The following CYRIA variants were observed in gnomAD, a reference collection of about 807,000 sequenced individuals.
CYRIA encodes the protein CYFIP related Rac1 interactor A.
A neutral mutation model predicts 43.9 loss-of-function variants in CYRIA; 15 were observed. The ratio of observed to expected loss-of-function variants is 0.34; its 90% confidence interval spans 0.23 to 0.53. CYRIA has a LOEUF of 0.53. Among genes scored for constraint, CYRIA ranks in the 20% least tolerant of loss-of-function variants. The pLI is 0.94. For missense variants in CYRIA, 236 were observed against 394.2 expected (o/e 0.60, Z 3.40); for synonymous variants, 117 against 136.0 (o/e 0.86, Z 0.97).
chr2:16,646,037 C>T (rs1163838993), intron 1 of CYRIA, among the ~76,000 whole-genome samples: 2 of 152,174 alleles, frequency 1.3e-5, no homozygotes, highest in East Asian at 3.8e-4. Context: ...ATCAGACAGG[C>T]AATGCAGTAT....
chr2:16,587,714 C>T (rs1667783440), intron 3 of CYRIA, among the ~76,000 whole-genome samples: 1 of 152,002 alleles, frequency 6.6e-6, no homozygotes, highest in Middle Eastern at 3.2e-3. Flanking sequence ...ATACTGTTCT[C>T]ATGACAGTGA....
rs572545727 is a variant in CYRIA at position 16,551,137 on chromosome 2, C to T, written c.*1799G>A. On this transcript the variant is annotated 3_prime_UTR_variant, in exon 12 of 12. Coordinates refer to ENST00000381323, the MANE Select transcript of CYRIA (RefSeq NM_030797.4). Reference sequence around the variant, plus strand: ...CTGTTGACTAATGTTTAGATGCAGACCAGGGAATCTTTCCTGTCACTTGGC... The same window carrying T: ...CTGTTGACTAATGTTTAGATGCAGATCAGGGAATCTTTCCTGTCACTTGGC... The T allele has an allele frequency of 6.6e-6, 1 of 152,210 alleles. No homozygotes were observed. The highest frequency in any genetic ancestry group is 2.1e-4 in the South Asian group (1 of 4,818). The allele number at this position is 152,210 out of a possible 1,614,324, so 9.4% of individuals were successfully genotyped here.
Position 16,555,213 on chromosome 2 carries a change from T to C in CYRIA, c.838-74A>G, listed in dbSNP as rs1666463559. On this transcript the variant is annotated intron_variant, in intron 10 of 11. Coordinates refer to ENST00000381323, the MANE Select transcript of CYRIA (RefSeq NM_030797.4). ...ATGCCAATATCTACCCATAATAACA[T>C]GTGCCCATAATGTCACATTATATCT... 2.3e-6 allele frequency: 3 copies of C among 1,332,250 alleles called. No individual in the cohort carries two copies. In the Admixed American group the frequency reaches 5.4e-5, roughly 24 times the overall value. 82.5% of individuals were successfully genotyped at this position (1,332,250 alleles called of 1,614,324 possible). A position where few individuals can be genotyped will look rare whatever the true frequency, so the allele number is the denominator to read the frequency against.
chr2:16,607,321 T>TGGGGGGGGGGGGGGGGGGGGG (rs1483489399), intron 2 of CYRIA, among the ~76,000 whole-genome samples: 2 of 36,022 alleles, frequency 5.6e-5, no homozygotes, highest in Admixed American at 2.9e-4. Flanking sequence ...GAGGGGCGGG[T>TGGGGGGGGGGGGGGGGGGGGG]GGGGGGTGCT....
chr2:16,581,435 G>A (rs1306453144), intron 3 of CYRIA, among the ~76,000 whole-genome samples: 1 of 152,126 alleles, frequency 6.6e-6, no homozygotes, highest in Non-Finnish European at 1.5e-5. Flanking sequence ...ACAGGAAAAT[G>A]ACTGACAATA....
intron 2 of CYRIA, among the ~76,000 whole-genome samples, chr2:16,609,298 C>A (rs564348194): frequency 6.6e-6 from 1 of 152,290 alleles, no homozygotes; most frequent in East Asian, 1.9e-4. Context: ...GGGCCCCAGG[C>A]TCTTCTCTCC....
intron 3 of CYRIA, among the ~76,000 whole-genome samples, chr2:16,567,248 A>G (rs1666967717): frequency 6.6e-6 from 1 of 152,110 alleles, no homozygotes; most frequent in African/African-American, 2.4e-5. Flanking sequence ...TACTAAAAAT[A>G]CAAAAATTAG....
chr2:16,635,680 T>C (rs908166710), intron 1 of CYRIA, among the ~76,000 whole-genome samples: 3 of 152,148 alleles, frequency 2.0e-5, no homozygotes, highest in Admixed American at 2.0e-4. Flanking sequence ...GTTCTAGCCC[T>C]GGAGACTCAG....
intron 1 of CYRIA, among the ~76,000 whole-genome samples, chr2:16,642,674 C>T (rs975298220): frequency 1.2e-4 from 18 of 152,216 alleles, no homozygotes; most frequent in Admixed American, 1.1e-3. Flanking sequence ...TCCACAGCTA[C>T]TCTTCTTCCT....
intron 3 of CYRIA, among the ~76,000 whole-genome samples, chr2:16,574,781 G>A (rs1667270488): frequency 6.6e-6 from 1 of 152,200 alleles, no homozygotes; most frequent in South Asian, 2.1e-4. Context: ...GAAAATGCCT[G>A]GATGTCCAGG....
intron 3 of CYRIA, among the ~76,000 whole-genome samples, chr2:16,582,782 C>T (rs1276737199): frequency 6.6e-6 from 1 of 152,070 alleles, no homozygotes; most frequent in Admixed American, 6.5e-5. Flanking sequence ...TTGGGTTGTT[C>T]CCACTTTTCA....
At chr2:16,653,804 A>G (rs1442276051) in intron 1 of CYRIA, among the ~76,000 whole-genome samples, 2 of 152,230 alleles carry the variant, frequency 1.3e-5, no homozygotes, top group Admixed American at 6.5e-5. Context: ...CCAGGCAAAG[A>G]AAGGGCATTT....
Position 16,552,205 on chromosome 2 carries a change from G to A in CYRIA, c.*731C>T, listed in dbSNP as rs547036068. The A allele has an allele frequency of 5.3e-5, 8 of 152,200 alleles. No homozygotes were observed. Among genetic ancestry groups the A allele is most frequent in the Admixed American group, 5.2e-4 (8 of 15,280 alleles). The allele number at this position is 152,200 out of a possible 1,614,324, so 9.4% of individuals were successfully genotyped here. ...TCCTGTTGCCTGAGTGCACCTCTGA[G>A]GACCTGTCTCCCAGTTCCAAGACAG... On this transcript the variant is annotated 3_prime_UTR_variant, in exon 12 of 12. Coordinates refer to ENST00000381323, the MANE Select transcript of CYRIA (RefSeq NM_030797.4).
At chr2:16,643,606 C>A (rs1669738310) in intron 1 of CYRIA, among the ~76,000 whole-genome samples, 1 of 152,204 alleles carries the variant, frequency 6.6e-6, no homozygotes, top group Non-Finnish European at 1.5e-5. Context: ...GTTTGCATTA[C>A]ACATATATTC....
intron 3 of CYRIA, among the ~76,000 whole-genome samples, chr2:16,586,588 A>G (rs1319026427): frequency 6.6e-6 from 1 of 151,978 alleles, no homozygotes; most frequent in Non-Finnish European, 1.5e-5. Flanking sequence ...TTTTCAGAAC[A>G]TACAAGCTTT....
chr2:16,562,239 C>T (rs1384985237), intron 5 of CYRIA, 98 bp from the exon 6 acceptor site: 1 of 1,308,100 alleles, frequency 7.6e-7, no homozygotes, highest in African/African-American at 1.5e-5. Flanking sequence ...TCGGAGATCA[C>T]CTGCTTGAGT....
chr2:16,660,885 A>C (rs1386873054), intron 1 of CYRIA, among the ~76,000 whole-genome samples: 1 of 152,216 alleles, frequency 6.6e-6, no homozygotes, highest in African/African-American at 2.4e-5. Flanking sequence ...ACCCATTCTC[A>C]GCACCTGGAT....
intron 9 of CYRIA, among the ~76,000 whole-genome samples, chr2:16,560,126 G>A (rs1666674861): frequency 2.0e-5 from 3 of 152,110 alleles, no homozygotes; most frequent in Non-Finnish European, 4.4e-5. Flanking sequence ...TACCTTGACA[G>A]GGTCACTGAT....
chr2:16,576,752 A>G (rs993011849), intron 3 of CYRIA, among the ~76,000 whole-genome samples: 8 of 152,224 alleles, frequency 5.3e-5, no homozygotes, highest in African/African-American at 1.9e-4. Flanking sequence ...AAATTGAACC[A>G]AAAGTATTGA....
Sources: allele counts gnomAD v4.1 joint callset (sites outside exome capture counted in the v4.1 genomes callset), GRCh38; gene constraint gnomAD v4.1.1; transcripts MANE v1.5; gene names NCBI Gene and HGNC (gene_info 2026-07-23, HGNC 2026-07-21).